The following ACBD5 variants were observed in gnomAD, a reference collection of about 807,000 sequenced individuals.
The protein encoded by ACBD5 is acyl-CoA-binding domain-containing protein 5.
Under a neutral mutation model 71.8 loss-of-function variants are expected in ACBD5, and 40 were observed. The observed-to-expected ratio is 0.56, with a 90% CI of 0.43 to 0.72. The LOEUF is 0.72. ACBD5 is among the 30% of genes least tolerant of loss of function. ACBD5 has a pLI of 0.00. For missense variants in ACBD5, 559 were observed against 644.5 expected, an observed-to-expected ratio of 0.87 and a Z score of 1.44; for synonymous variants, 229 against 218.6, an observed-to-expected ratio of 1.05 and a Z score of -0.42.
intron 2 of ACBD5, among the ~76,000 whole-genome samples, chr10:27,237,238 C>T (rs2064832985): frequency 6.6e-6 from 1 of 152,086 alleles, no homozygotes; most frequent in Non-Finnish European, 1.5e-5. Flanking sequence ...AAACCGAGAA[C>T]ATTTATTGAG....
chr10:27,230,934 A>G (rs1286720424), intron 4 of ACBD5, among the ~76,000 whole-genome samples: 1 of 152,172 alleles, frequency 6.6e-6, no homozygotes, highest in East Asian at 1.9e-4. Flanking sequence ...TAGTTAGCAG[A>G]GAACCTGAAA....
intron 4 of ACBD5, among the ~76,000 whole-genome samples, chr10:27,228,099 G>C (rs1351372023): frequency 2.0e-5 from 3 of 151,948 alleles, no homozygotes; most frequent in Non-Finnish European, 4.4e-5. Context: ...GAAATAATTA[G>C]TCTGGGGTCA....
At chr10:27,202,668 GT>G (rs910291727) in intron 12 of ACBD5, among the ~76,000 whole-genome samples, 13 of 148,910 alleles carry the variant, frequency 8.7e-5, no homozygotes, top group Admixed American at 4.7e-4. Flanking sequence ...AAGCTTTAGA[GT>G]TTTTTTTTTA....
intron 13 of ACBD5, among the ~76,000 whole-genome samples, chr10:27,189,929 T>C (rs887930324): frequency 6.6e-6 from 1 of 152,062 alleles, no homozygotes; most frequent in African/African-American, 2.4e-5. Flanking sequence ...ATGTGACTTG[T>C]TTTCCTTTGG....
chr10:27,215,470 A>T, intron 8 of ACBD5, 65 bp downstream of exon 8: 1 of 1,033,488 alleles, frequency 9.7e-7, no homozygotes, highest in Non-Finnish European at 1.5e-6. Context: ...CTACTAACAG[A>T]AGTTACGCAT....
chr10:27,228,813 A>ATTTTTTT (rs2063453996), intron 4 of ACBD5, among the ~76,000 whole-genome samples: 1 of 7,630 alleles, frequency 1.3e-4, no homozygotes, highest in East Asian at 1.5e-3. Context: ...ATATATATAT[A>ATTTTTTT]TATTTTTTTT....
chr10:27,203,629 C>T (rs1212947775), intron 12 of ACBD5, among the ~76,000 whole-genome samples: 2 of 152,178 alleles, frequency 1.3e-5, no homozygotes, highest in African/African-American at 2.4e-5. Context: ...ATCCCAGCTA[C>T]TTGGGAGGCT....
Position 27,196,446 on chromosome 10 carries a change from GAAGTA to G in ACBD5, c.*979_*983del. The G allele has an allele frequency of 2.2e-6, 1 of 454,500 alleles. No individual in the cohort carries two copies. Among genetic ancestry groups the G allele is most frequent in the Non-Finnish European group, 4.4e-6 (1 of 226,782 alleles). The allele number at this position is 454,500 out of a possible 1,614,324, so 28.2% of individuals were successfully genotyped here. A position where few individuals can be genotyped will look rare whatever the true frequency, so the allele number is the denominator to read the frequency against. On this transcript the variant is annotated 3_prime_UTR_variant, in exon 13 of 13. Transcript: ENST00000396271. Reference sequence around the variant, plus strand: ...TTGCAAATCCCTCCAGTACTCCTGTGAAGTAGGTGTATCTAAAATAGTATACCCCG... The same window carrying G: ...TTGCAAATCCCTCCAGTACTCCTGTGGGTGTATCTAAAATAGTATACCCCG...
Position 27,219,713 on chromosome 10 carries a change from C to A in ACBD5, c.625+10G>T. 6.2e-7 allele frequency: 1 copy of A among 1,613,576 alleles called. No individual in the cohort carries two copies. The highest frequency in any genetic ancestry group is 8.5e-7 in the Non-Finnish European group (1 of 1,179,680). The stretch of plus-strand genomic sequence containing the variant: ...ATTGCAAAATTACTAACTGATTTTC[C>A]AAACATTACCATTATCACTTTGTTC... On this transcript the variant is annotated intron_variant, in intron 6 of 12. Coordinates refer to ENST00000396271, the MANE Select transcript of ACBD5 (RefSeq NM_145698.5).
chr10:27,240,805 C>G, upstream of ACBD5: 1 of 1,456,660 alleles, frequency 6.9e-7, no homozygotes, highest in Non-Finnish European at 9.4e-7. The surrounding 1 kb of genome is among the most constrained non-coding windows in gnomAD (Gnocchi z 4.1). Context: ...TCTGTCAGTC[C>G]GTGCCCTCCC....
chr10:27,184,655 G>T (rs1657783617), intron 13 of ACBD5, among the ~76,000 whole-genome samples: 1 of 135,674 alleles, frequency 7.4e-6, no homozygotes, highest in Admixed American at 8.8e-5. Context: ...CAGCCTCCCA[G>T]GTTCAAGTGA....
intron 4 of ACBD5, among the ~76,000 whole-genome samples, chr10:27,228,600 C>G (rs750445516): frequency 9.4e-4 from 142 of 151,550 alleles, no homozygotes; most frequent in Non-Finnish European, 1.6e-3. Context: ...TTTTATACTT[C>G]TATAAATAAA....
At chr10:27,215,391 A>G (rs1328500653) in intron 8 of ACBD5, 144 bp downstream of exon 8, 6 of 632,780 alleles carry the variant, frequency 9.5e-6, no homozygotes, top group African/African-American at 1.8e-5. Context: ...CATAAAAAAT[A>G]GTTTAAAATA....
intron 13 of ACBD5, among the ~76,000 whole-genome samples, chr10:27,189,355 T>A (rs1041552843): frequency 6.6e-6 from 1 of 152,190 alleles, no homozygotes; most frequent in South Asian, 2.1e-4. Flanking sequence ...AAAAAATAAT[T>A]TGTGGCTGGG....
At position 27,240,797 on chromosome 10, in the gene ACBD5, T is replaced by A; in HGVS notation, c.-109A>T. The A allele has an allele frequency of 4.0e-6, 6 of 1,484,332 alleles. No individual in the cohort carries two copies. In the South Asian group the frequency reaches 6.0e-5, roughly 15 times the overall value. 91.9% of individuals were successfully genotyped at this position (1,484,332 alleles called of 1,614,324 possible). On this transcript the variant is annotated 5_prime_UTR_variant, in exon 1 of 13. Coordinates refer to ENST00000396271, the MANE Select transcript of ACBD5 (RefSeq NM_145698.5). This position sits in a 1 kb window ranked among gnomAD's most constrained non-coding sequence, Gnocchi z 4.1. ...ACCCCCCATTCCGCCGGAGTCCGTCTGTCAGTCCGTGCCCTCCCCACAGCC... is the reference window on the plus strand; with the variant it reads ...ACCCCCCATTCCGCCGGAGTCCGTCAGTCAGTCCGTGCCCTCCCCACAGCC...
rs1360941997 is a variant in ACBD5, at chr10:27,218,091, G to C, written c.718C>G (p.Gln240Glu). The change falls in exon 7 of 13, where the codon CAG becomes GAG. Residue 240 changes from glutamine to glutamate, a missense_variant. By Grantham distance (29) the Gln-to-Glu change is conservative. Coordinates refer to ENST00000396271, the MANE Select transcript of ACBD5 (RefSeq NM_145698.5). Reference sequence around the variant, plus strand: ...GAAGAACTGGCATGAATGTCATTCTGTATATCCTGAACAAAGCCATCTTTA... The same window carrying C: ...GAAGAACTGGCATGAATGTCATTCTCTATATCCTGAACAAAGCCATCTTTA... ...YDKDGFVQDI[Q>E]NDIHASSSLN... 3 of 1,613,924 alleles carry C rather than the reference G, an allele frequency of 1.9e-6. No individual in the cohort carries two copies. In the Admixed American group the frequency reaches 5.0e-5, roughly 27 times the overall value.
At chr10:27,204,411 A>G (rs1268865932) in intron 12 of ACBD5, 29 bp downstream of exon 12, 4 of 1,527,570 alleles carry the variant, frequency 2.6e-6, no homozygotes, top group Admixed American at 3.3e-5. Context: ...AGAGTTATAC[A>G]CCATTTCAAA....
At chr10:27,209,600 G>T (rs2060849029) in intron 9 of ACBD5, among the ~76,000 whole-genome samples, 1 of 152,208 alleles carries the variant, frequency 6.6e-6, no homozygotes, top group South Asian at 2.1e-4. Context: ...TGGGATTACA[G>T]AAGTGAGCCA....
At position 27,208,348 on chromosome 10, in the gene ACBD5, G is replaced by A. The variant is rs751974758; in HGVS notation, c.1302C>T (p.Gly434=). Residue 434 remains glycine, a synonymous_variant, in exon 10 of 13, where the codon GGC becomes GGT. Coordinates refer to ENST00000396271, the MANE Select transcript of ACBD5 (RefSeq NM_145698.5). ...ERWGSDRGSR[G]SLNEQIALVL... ...CGAGGGCGATCTGCTCATTGAGGCT[G>A]CCTCGGGACCCTCTGTCGGAGCCCC... is the stretch of plus-strand genomic sequence containing the variant. The A allele has an allele frequency of 6.2e-7, 1 of 1,614,190 alleles. No individual in the cohort carries two copies. The highest frequency in any genetic ancestry group is 8.5e-7 in the Non-Finnish European group (1 of 1,180,034).
Sources: allele counts gnomAD v4.1 joint callset (sites outside exome capture counted in the v4.1 genomes callset), GRCh38; gene constraint gnomAD v4.1.1; non-coding constraint Gnocchi (gnomAD v3.1); transcripts MANE v1.5; gene names NCBI Gene and HGNC (gene_info 2026-07-23, HGNC 2026-07-21).